GINS1: variants seen among roughly 807,000 people sequenced by gnomAD.
The protein encoded by GINS1 is DNA replication complex GINS protein PSF1.
Under a neutral mutation model 34.9 loss-of-function variants are expected in GINS1, and 26 were observed. The ratio of observed to expected loss-of-function variants is 0.74; its 90% CI spans 0.55 to 1.03. The LOEUF (loss-of-function observed/expected upper bound fraction) is 1.03. GINS1 is among the 50% of genes least tolerant of loss of function. The pLI is 0.00. For missense variants in GINS1, 235 were observed against 237.9 expected (o/e 0.99, Z 0.08); for synonymous variants, 97 against 84.4 (o/e 1.15, Z -0.82).
At chr20:25,444,033 A>G (rs1169012610) in intron 6 of GINS1, among the ~76,000 whole-genome samples, 2 of 91,850 alleles carry the variant, frequency 2.2e-5, no homozygotes, top group African/African-American at 4.6e-5. Flanking sequence ...TTTTTTCGAG[A>G]TGGACTCTCG....
chr20:25,435,847 C>T (rs2090452270), intron 5 of GINS1, among the ~76,000 whole-genome samples: 1 of 145,234 alleles, frequency 6.9e-6, no homozygotes, highest in Non-Finnish European at 1.5e-5. Flanking sequence ...GAGTCTCACA[C>T]TGTCACCCAG....
At chr20:25,420,809 AAG>A in intron 4 of GINS1, 1 of 936,614 alleles carries the variant, frequency 1.1e-6, no homozygotes, top group Non-Finnish European at 1.3e-6. Context: ...AAAAAAGAAA[AAG>A]AATAAAAGGA....
At position 25,433,925 on chromosome 20, in the gene GINS1, A is replaced by G. The variant is rs572909294; in HGVS notation, c.448-7777A>G. Among the ~76,000 whole-genome samples the G allele has an allele frequency of 5.3e-5, 8 of 152,332 alleles. No homozygotes were observed. In the East Asian group the frequency reaches 1.4e-3, roughly 26 times the overall value. On this transcript the variant is annotated intron_variant, in intron 5 of 6. Transcript: ENST00000262460. ...AATTTAGGGTTGCAAAGTTACAATA[A>G]TACTAGCTTTTAGACTAATCAATGT... is the stretch of plus-strand genomic sequence containing the variant.
intron 2 of GINS1, among the ~76,000 whole-genome samples, chr20:25,416,882 C>T (rs954212596): frequency 6.6e-6 from 1 of 152,112 alleles, no homozygotes; most frequent in Non-Finnish European, 1.5e-5. Context: ...AATGCCTAAA[C>T]AAAATGTATC....
At chr20:25,415,122 G>T (rs1224129401) in intron 2 of GINS1, among the ~76,000 whole-genome samples, 1 of 152,170 alleles carries the variant, frequency 6.6e-6, no homozygotes, top group Non-Finnish European at 1.5e-5. Flanking sequence ...TCAGTTACTT[G>T]AATATAGAAA....
At chr20:25,432,372 G>A (rs988215519) in intron 5 of GINS1, among the ~76,000 whole-genome samples, 2 of 150,508 alleles carry the variant, frequency 1.3e-5, no homozygotes, top group South Asian at 2.1e-4. Flanking sequence ...GCACAATCTC[G>A]GCTCACTGCA....
At chr20:25,437,081 A>C (rs932581045) in intron 5 of GINS1, among the ~76,000 whole-genome samples, 5 of 152,098 alleles carry the variant, frequency 3.3e-5, no homozygotes, top group African/African-American at 1.2e-4. Context: ...TTCCTTGGTC[A>C]CTTTCTAATT....
intron 2 of GINS1, among the ~76,000 whole-genome samples, chr20:25,415,154 T>C (rs184561638): frequency 6.6e-6 from 1 of 152,306 alleles, no homozygotes; most frequent in East Asian, 1.9e-4. Context: ...GCTGGTAAGA[T>C]TTGTGAGGCA....
At chr20:25,412,000 C>A (rs775424417) in intron 1 of GINS1, among the ~76,000 whole-genome samples, 1 of 151,762 alleles carries the variant, frequency 6.6e-6, no homozygotes, top group Non-Finnish European at 1.5e-5. Flanking sequence ...CCCAGCTACT[C>A]GAGAGGCTGA....
Position 25,407,845 on chromosome 20 carries a change from C to T in GINS1, c.25C>T (p.Leu9=), listed in dbSNP as rs779358133. ...CATGTTCTGCGAAAAAGCCATGGAA[C>T]TGATCCGCGAGCTGCATCGCGCGCC... MFCEKAME[L]IRELHRAPEG... Residue 9 remains leucine, a synonymous_variant, in exon 1 of 7, where the codon CTG becomes TTG. Coordinates refer to ENST00000262460, the MANE Select transcript of GINS1 (RefSeq NM_021067.5). The T allele has an allele frequency of 2.0e-5, 32 of 1,613,928 alleles. No homozygotes were observed. Among genetic ancestry groups the T allele is most frequent in the Non-Finnish European group, 2.5e-5 (30 of 1,179,976 alleles).
At chr20:25,434,793 C>T (rs1568807846) in intron 5 of GINS1, among the ~76,000 whole-genome samples, 1 of 152,172 alleles carries the variant, frequency 6.6e-6, no homozygotes, top group Non-Finnish European at 1.5e-5. Flanking sequence ...GATCAAAGTG[C>T]CAGCAGATTC....
At chr20:25,433,456 A>C (rs1006156824) in intron 5 of GINS1, among the ~76,000 whole-genome samples, 39 of 152,206 alleles carry the variant, frequency 2.6e-4, no homozygotes, top group African/African-American at 9.4e-4. Context: ...TACTTTAAAT[A>C]ATCTCTAGAT....
chr20:25,419,504 A>G (rs2090341921), intron 4 of GINS1, among the ~76,000 whole-genome samples: 3 of 152,224 alleles, frequency 2.0e-5, no homozygotes, highest in South Asian at 4.1e-4. Flanking sequence ...GAAATTGGTA[A>G]CATGTTAGTA....
intron 6 of GINS1, among the ~76,000 whole-genome samples, chr20:25,444,034 TG>T (rs2090497850): frequency 7.4e-6 from 1 of 134,442 alleles, no homozygotes; most frequent in Non-Finnish European, 1.6e-5. Context: ...TTTTTCGAGA[TG>T]GACTCTCGCT....
At chr20:25,414,883 T>C (rs2090310300) in intron 2 of GINS1, among the ~76,000 whole-genome samples, 1 of 152,138 alleles carries the variant, frequency 6.6e-6, no homozygotes, top group African/African-American at 2.4e-5. Context: ...GAGAACTAGC[T>C]ATAAAAGGTT....
At chr20:25,418,313 T>G (rs1011629838) in intron 4 of GINS1, 118 bp downstream of exon 4, 1 of 704,632 alleles carries the variant, frequency 1.4e-6, no homozygotes, top group Non-Finnish European at 2.6e-6. Flanking sequence ...TTCCCCAATT[T>G]TTGGCTGGTA....
chr20:25,416,636 A>C (rs73333512), intron 2 of GINS1, among the ~76,000 whole-genome samples: 6,939 of 152,298 alleles, frequency 0.046, 172 homozygotes, highest in Middle Eastern at 0.11. Flanking sequence ...TTGTAAGATG[A>C]GTGAAAGACC....
chr20:25,433,593 TA>T (rs1026390545), intron 5 of GINS1, among the ~76,000 whole-genome samples: 2 of 151,872 alleles, frequency 1.3e-5, no homozygotes, highest in Non-Finnish European at 2.9e-5. Flanking sequence ...TCCATTTGTT[TA>T]AAAAAATTTT....
In GINS1 at chr20:25,447,252, C is replaced by G. The variant is rs1352049780; in HGVS notation, c.*1261C>G. On this transcript the variant is annotated 3_prime_UTR_variant, in exon 7 of 7. Transcript: ENST00000262460. Reference sequence around the variant, plus strand: ...ACAGAGTTTTACCATGTTGGCCAGGCTGGTTTCAAACTCCTGACCTCAAGT... The same window carrying G: ...ACAGAGTTTTACCATGTTGGCCAGGGTGGTTTCAAACTCCTGACCTCAAGT... The G allele has an allele frequency of 6.6e-6, 1 of 152,162 alleles. No individual in the cohort carries two copies. Among genetic ancestry groups the G allele is most frequent in the Admixed American group, 6.6e-5 (1 of 15,266 alleles). The allele number at this position is 152,162 out of a possible 1,614,324, so 9.4% of individuals were successfully genotyped here.
Sources: gnomAD v4.1 joint callset for allele counts (sites outside exome capture counted in the v4.1 genomes callset) on GRCh38, gnomAD v4.1.1 for gene constraint, MANE v1.5 for transcripts, NCBI Gene and HGNC (gene_info 2026-07-23, HGNC 2026-07-21) for gene names.